Variants in CPQ observed in about 807,000 individuals in gnomAD.
CPQ encodes carboxypeptidase Q.
Under a neutral mutation model 45.7 loss-of-function variants are expected in CPQ, and 37 were observed. The observed-to-expected ratio is 0.81, with a 90% CI of 0.62 to 1.07. The LOEUF (loss-of-function observed/expected upper bound fraction) is 1.07. CPQ is among the 50% of genes least tolerant of loss of function. CPQ has a pLI of 0.00. For missense variants in CPQ, 537 were observed against 572.9 expected, an observed-to-expected ratio of 0.94 and a Z score of 0.64; for synonymous variants, 186 against 205.8, an observed-to-expected ratio of 0.90 and a Z score of 0.82.
intron 5 of CPQ, among the ~76,000 whole-genome samples, chr8:97,026,850 G>A (rs1019656145): frequency 6.6e-6 from 1 of 152,204 alleles, no homozygotes; most frequent in African/African-American, 2.4e-5. Context: ...AACCCTGTAG[G>A]ATAATAACTT....
intron 1 of CPQ, among the ~76,000 whole-genome samples, chr8:96,664,579 T>C (rs1808895422): frequency 6.6e-6 from 1 of 152,192 alleles, no homozygotes; most frequent in African/African-American, 2.4e-5. Flanking sequence ...TATAGTGGCA[T>C]GATTTTGGGA....
At chr8:97,104,792 G>A (rs1046796483) in intron 7 of CPQ, among the ~76,000 whole-genome samples, 11 of 152,156 alleles carry the variant, frequency 7.2e-5, no homozygotes, top group African/African-American at 2.7e-4. Flanking sequence ...GGACTATTTA[G>A]AGATTTAGTC....
intron 7 of CPQ, among the ~76,000 whole-genome samples, chr8:97,109,233 A>G (rs1273692241): frequency 2.6e-5 from 4 of 152,036 alleles, no homozygotes; most frequent in South Asian, 2.1e-4. Flanking sequence ...TTCATTCTCC[A>G]TGCTCTGCTA....
At chr8:96,658,487 C>G (rs576924975) in intron 1 of CPQ, among the ~76,000 whole-genome samples, 1 of 152,208 alleles carries the variant, frequency 6.6e-6, no homozygotes, top group South Asian at 2.1e-4. Flanking sequence ...AGAATACTGT[C>G]TTCCCTACCA....
chr8:97,039,795 C>A (rs545282446), intron 6 of CPQ, among the ~76,000 whole-genome samples: 60 of 152,226 alleles, frequency 3.9e-4, no homozygotes, highest in African/African-American at 1.4e-3. Context: ...CATCCATGTC[C>A]CTACAAAGGA....
chr8:96,650,881 T>G (rs1815569283), intron 1 of CPQ, among the ~76,000 whole-genome samples: 1 of 152,228 alleles, frequency 6.6e-6, no homozygotes, highest in South Asian at 2.1e-4. Context: ...TCCAAAGTGT[T>G]ATGATTAAAT....
chr8:96,725,047 G>A (rs1305479040), intron 1 of CPQ, among the ~76,000 whole-genome samples: 1 of 152,124 alleles, frequency 6.6e-6, no homozygotes, highest in African/African-American at 2.4e-5. Context: ...GAATGAAACT[G>A]GATCCCTGCC....
intron 3 of CPQ, among the ~76,000 whole-genome samples, chr8:96,857,886 T>C (rs1376701392): frequency 6.6e-6 from 1 of 152,216 alleles, no homozygotes; most frequent in Non-Finnish European, 1.5e-5. Context: ...GCAGGCAGTA[T>C]TCAATTCATA....
At chr8:96,998,124 C>T (rs1481414342) in intron 5 of CPQ, among the ~76,000 whole-genome samples, 1 of 151,904 alleles carries the variant, frequency 6.6e-6, no homozygotes, top group Non-Finnish European at 1.5e-5. Flanking sequence ...CTCTCATCAT[C>T]ATACGGTGGC....
At chr8:96,659,418 C>T (rs190376054) in intron 1 of CPQ, 1 of 152,292 alleles carries the variant, frequency 6.6e-6, no homozygotes, top group East Asian at 1.9e-4. Context: ...GTGGGGCATC[C>T]AAGGAAAGTC....
intron 1 of CPQ, among the ~76,000 whole-genome samples, chr8:96,769,931 A>G (rs566252211): frequency 3.3e-5 from 5 of 152,312 alleles, no homozygotes; most frequent in East Asian, 1.9e-4. Flanking sequence ...ACATTCAGCT[A>G]GCTGTATGAC....
chr8:96,883,498 C>T (rs532447868), intron 4 of CPQ, among the ~76,000 whole-genome samples: 9 of 152,188 alleles, frequency 5.9e-5, no homozygotes, highest in African/African-American at 2.2e-4. Flanking sequence ...AGAAGTTTAA[C>T]AAAACTTCTT....
chr8:97,036,695 G>T (rs941993263), intron 6 of CPQ, among the ~76,000 whole-genome samples: 15 of 152,150 alleles, frequency 9.9e-5, no homozygotes, highest in Admixed American at 7.2e-4. Flanking sequence ...GCTTCAACTG[G>T]ATTTCTGGCA....
intron 1 of CPQ, among the ~76,000 whole-genome samples, chr8:96,718,842 G>T (rs1174324852): frequency 6.6e-6 from 1 of 152,172 alleles, no homozygotes; most frequent in African/African-American, 2.4e-5. Context: ...CCCCACCAGA[G>T]TAGCTAGATA....
intron 5 of CPQ, among the ~76,000 whole-genome samples, chr8:97,019,522 G>T (rs73281736): frequency 0.014 from 2,131 of 152,174 alleles, 47 homozygotes; most frequent in African/African-American, 0.048. Context: ...TAAGGTAAAC[G>T]GATAGAAAAA....
chr8:96,756,543 A>G (rs939535832), intron 1 of CPQ, among the ~76,000 whole-genome samples: 3 of 152,158 alleles, frequency 2.0e-5, no homozygotes, highest in South Asian at 4.1e-4. Context: ...AGAGAAAGCA[A>G]TGCAACTCAA....
At chr8:96,866,225 A>G (rs962382137) in intron 3 of CPQ, among the ~76,000 whole-genome samples, 4 of 152,098 alleles carry the variant, frequency 2.6e-5, no homozygotes, top group Non-Finnish European at 5.9e-5. Context: ...TTTTGTGGCC[A>G]GTCAACCTGG....
intron 1 of CPQ, among the ~76,000 whole-genome samples, chr8:96,713,935 G>A (rs967471028): frequency 6.6e-6 from 1 of 152,206 alleles, no homozygotes; most frequent in African/African-American, 2.4e-5. Flanking sequence ...TTGGTTGATA[G>A]TTATTCTTTT....
intron 6 of CPQ, among the ~76,000 whole-genome samples, chr8:97,043,821 T>C (rs1182615981): frequency 6.6e-6 from 1 of 152,240 alleles, no homozygotes; most frequent in Non-Finnish European, 1.5e-5. Flanking sequence ...CCCCACTCTC[T>C]TCTGGCTTGT....
Sources: gnomAD v4.1 joint callset for allele counts (sites outside exome capture counted in the v4.1 genomes callset) on GRCh38, gnomAD v4.1.1 for gene constraint, MANE v1.5 for transcripts, NCBI Gene and HGNC (gene_info 2026-07-23, HGNC 2026-07-21) for gene names.